The following RILPL2 variants were observed in gnomAD, a reference collection of about 807,000 sequenced individuals.
RILPL2 encodes Rab interacting lysosomal protein like 2.
In RILPL2, 19 loss-of-function variants were observed where a neutral mutation model predicts 22.2. That is an observed-to-expected ratio of 0.86 (90% CI 0.60 to 1.25). The LOEUF (loss-of-function observed/expected upper bound fraction) is 1.25, where lower values mean the gene tolerates loss of function less well. RILPL2 is among the 50% of genes most tolerant of loss of function. The pLI, the probability that RILPL2 is intolerant of heterozygous loss-of-function variation, is 0.00. For missense variants in RILPL2, 243 were observed against 263.6 expected (o/e 0.92, Z 0.54); for synonymous variants, 123 against 111.6 (o/e 1.10, Z -0.64).
chr12:123,409,671 A>C, the RILPL2 span, among the ~76,000 whole-genome samples: 1 of 140,624 alleles, frequency 7.1e-6, no homozygotes, highest in African/African-American at 2.8e-5. Context: ...TACCTTGGCT[A>C]CCTGAATAGC....
intron 3 of RILPL2, among the ~76,000 whole-genome samples, chr12:123,419,598 C>T (rs1223241360): frequency 6.7e-6 from 1 of 148,538 alleles, no homozygotes; most frequent in Non-Finnish European, 1.5e-5. Context: ...ATATTGACTC[C>T]CTTTTTTCTT....
downstream of RILPL2, chr12:123,412,890 G>A (rs1879011256): frequency 6.6e-6 from 1 of 152,256 alleles, no homozygotes; most frequent in Non-Finnish European, 1.5e-5. Flanking sequence ...TCCACAGCCA[G>A]AGTTTCAGTT....
chr12:123,430,340 C>A (rs1000642430), intron 2 of RILPL2, among the ~76,000 whole-genome samples, 168 bp downstream of exon 2: 2 of 151,900 alleles, frequency 1.3e-5, no homozygotes, highest in African/African-American at 2.4e-5. Flanking sequence ...ACCCGGGAGG[C>A]AGAGGTTGCA....
At chr12:123,424,693 T>C (rs1391790983) in intron 2 of RILPL2, among the ~76,000 whole-genome samples, 1 of 152,186 alleles carries the variant, frequency 6.6e-6, no homozygotes, top group East Asian at 1.9e-4. Context: ...ATCGGACTTC[T>C]GTCACTTGCA....
At chr12:123,428,385 C>G (rs775300233) in intron 2 of RILPL2, among the ~76,000 whole-genome samples, 2 of 152,320 alleles carry the variant, frequency 1.3e-5, no homozygotes, top group East Asian at 3.9e-4. Flanking sequence ...ATCCACCCAC[C>G]TCGGCCTCCC....
chr12:123,415,628 AC>A lies in RILPL2; in HGVS notation c.*262del, dbSNP rs893973974. The stretch of plus-strand genomic sequence containing the variant: ...GGGTTGACATGGGAGCAGGAAGTGG[AC>A]CCCCCCACCCTGCACATCCCTTCTG... On this transcript the variant is annotated 3_prime_UTR_variant, in exon 4 of 4. Transcript: ENST00000280571. 12 of 551,538 alleles carry A rather than the reference AC, an allele frequency of 2.2e-5. No homozygotes were observed. Among genetic ancestry groups the A allele is most frequent in the East Asian group, 3.0e-5 (1 of 33,288 alleles). The allele number at this position is 551,538 out of a possible 1,614,324, so 34.2% of individuals were successfully genotyped here.
intron 2 of RILPL2, among the ~76,000 whole-genome samples, chr12:123,430,277 C>T (rs535042106): frequency 1.7e-4 from 25 of 151,508 alleles, no homozygotes; most frequent in Non-Finnish European, 2.5e-4. Context: ...GGCACGGTGG[C>T]GGGCGCCTGT....
Position 123,415,654 on chromosome 12 carries a change from G to A in RILPL2, c.*237C>T, listed in dbSNP as rs767886793. On this transcript the variant is annotated 3_prime_UTR_variant, in exon 4 of 4. Transcript: ENST00000280571. ...CCCCCCCACCCTGCACATCCCTTCT[G>A]TTTTTCTTGATTTCAGTCTCACTGG... is the stretch of plus-strand genomic sequence containing the variant. 9.2e-5 allele frequency: 58 copies of A among 627,978 alleles called. No individual in the cohort carries two copies. Among genetic ancestry groups the A allele is most frequent in the Non-Finnish European group, 1.5e-4 (52 of 350,796 alleles). 38.9% of individuals were successfully genotyped at this position (627,978 alleles called of 1,614,324 possible). A position where few individuals can be genotyped will look rare whatever the true frequency, so the allele number is the denominator to read the frequency against.
At chr12:123,435,931 C>G (rs1879780229) in intron 1 of RILPL2, 151 bp downstream of exon 1, 2 of 1,214,244 alleles carry the variant, frequency 1.6e-6, no homozygotes, top group Admixed American at 2.9e-5. Flanking sequence ...AGTTTGAGAC[C>G]AGCCTGGGCA....
At position 123,415,605 on chromosome 12, in the gene RILPL2, G is replaced by T; in HGVS notation, c.*286C>A. 1.9e-6 allele frequency: 1 copy of T among 520,470 alleles called. No individual in the cohort carries two copies. Among genetic ancestry groups the T allele is most frequent in the Non-Finnish European group, 3.5e-6 (1 of 288,500 alleles). The allele number at this position is 520,470 out of a possible 1,614,324, so 32.2% of individuals were successfully genotyped here. The stretch of plus-strand genomic sequence containing the variant: ...CGTCTGCACGCTGGAGGCCCTGGGG[G>T]TTGACATGGGAGCAGGAAGTGGACC... On this transcript the variant is annotated 3_prime_UTR_variant, in exon 4 of 4. Transcript: ENST00000280571.
rs1879788495 is a variant in RILPL2, at chr12:123,436,100, G to A, written c.321C>T (p.Ser107=). 5 of 1,579,332 alleles carry A rather than the reference G, an allele frequency of 3.2e-6. No individual in the cohort carries two copies. Among genetic ancestry groups the A allele is most frequent in the African/African-American group, 1.4e-5 (1 of 73,882 alleles). The change falls in exon 1 of 4, where the codon AGC becomes AGT. Residue 107 remains serine, a synonymous_variant. Transcript: ENST00000280571. The surrounding 1 kb of genome is among the most constrained non-coding windows in gnomAD (Gnocchi z 6.7). ...CACTCACCTCCCCGCTGGCCGGAGGGCTCTGTCTCCGCAGCCCCTCCACCT... is the reference window on the plus strand; with the variant it reads ...CACTCACCTCCCCGCTGGCCGGAGGACTCTGTCTCCGCAGCCCCTCCACCT... ...RKEVEGLRRQ[S]PPASGEVNLG... is the part of the protein sequence containing the mutation.
chr12:123,414,026 A>C (rs1230601812), downstream of RILPL2: 1 of 153,534 alleles, frequency 6.5e-6, no homozygotes, highest in Non-Finnish European at 1.4e-5. Flanking sequence ...CGTCCCCAGC[A>C]GACTCAGGAG....
Position 123,430,500 on chromosome 12 carries a change from G to C in RILPL2, c.491+8C>G. On this transcript the variant is annotated splice_region_variant and intron_variant, in intron 2 of 3. Coordinates refer to ENST00000280571, the MANE Select transcript of RILPL2 (RefSeq NM_145058.3). Reference sequence around the variant, plus strand: ...TGGGTGCAGGACCCTCCAGGCAGTGGAGCCCACCTCTTGTAGCACTGCAGC... The same window carrying C: ...TGGGTGCAGGACCCTCCAGGCAGTGCAGCCCACCTCTTGTAGCACTGCAGC... 6.2e-7 allele frequency: 1 copy of C among 1,600,454 alleles called. No homozygotes were observed. The highest frequency in any genetic ancestry group is 1.1e-5 in the South Asian group (1 of 90,020).
At chr12:123,424,124 A>G (rs1485288444) in intron 2 of RILPL2, among the ~76,000 whole-genome samples, 1 of 152,184 alleles carries the variant, frequency 6.6e-6, no homozygotes, top group African/African-American at 2.4e-5. Flanking sequence ...CTAAGATGAT[A>G]CATAGTGCTT....
chr12:123,436,367 C>T lies in RILPL2; in HGVS notation c.54G>A (p.Glu18=). Residue 18 remains glutamate (E), a synonymous_variant, in exon 1 of 4, where the codon GAG becomes GAA. Transcript: ENST00000280571. This position sits in a 1 kb window ranked among gnomAD's most constrained non-coding sequence, Gnocchi z 6.7. ...EEEEEEGEED[E]ERDEVGPEGA... The stretch of plus-strand genomic sequence containing the variant: ...CCTCGGGCCCAACCTCGTCCCTCTC[C>T]TCGTCCTCCTCTCCCTCCTCCTCTT... 1.3e-6 allele frequency: 2 copies of T among 1,554,194 alleles called. No homozygotes were observed. The highest frequency in any genetic ancestry group is 1.4e-5 in the African/African-American group (1 of 73,310).
intron 1 of RILPL2, among the ~76,000 whole-genome samples, chr12:123,435,596 A>C (rs895044104): frequency 6.6e-6 from 1 of 151,878 alleles, no homozygotes. Flanking sequence ...AAAGTTAGCC[A>C]GGCATGGTGG....
chr12:123,416,030 A>G, intron 3 of RILPL2, 109 bp from the exon 4 acceptor site: 2 of 1,093,550 alleles, frequency 1.8e-6, no homozygotes, highest in South Asian at 2.5e-5. Context: ...ACTCAAAAAT[A>G]TGTCCAGGCC....
chr12:123,436,619 G>A lies in RILPL2; in HGVS notation c.-199C>T, dbSNP rs1042269070. ...GCCTGCGCCCCGGCGCACCGTCCCCGCTGCCAGCCACGCTGGAGAGTGCGC... is the reference window on the plus strand; with the variant it reads ...GCCTGCGCCCCGGCGCACCGTCCCCACTGCCAGCCACGCTGGAGAGTGCGC... On this transcript the variant is annotated 5_prime_UTR_variant, in exon 1 of 4. Transcript: ENST00000280571. This position sits in a 1 kb window ranked among gnomAD's most constrained non-coding sequence, Gnocchi z 6.7. 1.0e-5 allele frequency: 9 copies of A among 857,582 alleles called. No individual in the cohort carries two copies. The highest frequency in any genetic ancestry group is 1.6e-5 in the Non-Finnish European group (9 of 574,428). The allele number at this position is 857,582 out of a possible 1,614,324, so 53.1% of individuals were successfully genotyped here.
chr12:123,427,152 T>G (rs1879464514), intron 2 of RILPL2, among the ~76,000 whole-genome samples: 1 of 152,144 alleles, frequency 6.6e-6, no homozygotes, highest in African/African-American at 2.4e-5. Flanking sequence ...TAGCCTGAGC[T>G]TCTCACTTGG....
Sources: gnomAD v4.1 joint callset for allele counts (sites outside exome capture counted in the v4.1 genomes callset) on GRCh38, gnomAD v4.1.1 for gene constraint, Gnocchi (gnomAD v3.1) non-coding constraint, MANE v1.5 for transcripts, NCBI Gene and HGNC (gene_info 2026-07-23, HGNC 2026-07-21) for gene names.